RGS6: variants seen among roughly 807,000 people sequenced by gnomAD.
RGS6 encodes the protein regulator of G protein signaling 6, also known as regulator of G-protein signaling 6.
RGS6 carries 30 observed loss-of-function variants against 78.5 expected under a neutral mutation model. That is an observed-to-expected ratio of 0.38 (90% CI 0.29 to 0.52). RGS6 has a LOEUF of 0.52. RGS6 is among the 20% of genes least tolerant of loss of function. The pLI is 0.85. For missense variants in RGS6, 495 were observed against 609.7 expected (o/e 0.81, Z 1.98); for synonymous variants, 206 against 206.0 (o/e 1.00, Z 0.00).
intron 16 of RGS6, 142 bp from the exon 17 acceptor site, chr14:72,539,899 T>A: frequency 1.5e-6 from 1 of 687,064 alleles, no homozygotes; most frequent in Non-Finnish European, 2.4e-6. Context: ...TCTGGCTGCT[T>A]CTCTTTTCCC....
At chr14:72,182,389 G>A (rs1248881860) in intron 2 of RGS6, among the ~76,000 whole-genome samples, 1 of 139,258 alleles carries the variant, frequency 7.2e-6, no homozygotes, top group Non-Finnish European at 1.5e-5. Context: ...GCTGTGAGTC[G>A]AGATCGTGCC....
intron 2 of RGS6, among the ~76,000 whole-genome samples, chr14:72,164,850 T>G (rs936813098): frequency 5.9e-5 from 9 of 152,232 alleles, no homozygotes; most frequent in African/African-American, 1.7e-4. Flanking sequence ...TAACAAATGG[T>G]AAAACATTTA....
chr14:72,445,851 A>G (rs2095351053), intron 3 of RGS6, among the ~76,000 whole-genome samples: 1 of 152,188 alleles, frequency 6.6e-6, no homozygotes, highest in Non-Finnish European at 1.5e-5. Context: ...GAAGTTCTAA[A>G]CACTAGAACT....
the RGS6 span, among the ~76,000 whole-genome samples, chr14:72,574,425 T>G: frequency 2.0e-5 from 3 of 150,060 alleles, no homozygotes; most frequent in African/African-American, 2.5e-5. Flanking sequence ...AAGGCAGGAG[T>G]GTGTCTCCTC....
chr14:72,552,795 C>T (rs1379367795), intron 17 of RGS6: 2 of 152,228 alleles, frequency 1.3e-5, no homozygotes, highest in African/African-American at 4.8e-5. Flanking sequence ...ATAGTACCGA[C>T]AGAAACAGAA....
At chr14:72,403,197 A>T (rs544077999) in intron 3 of RGS6, among the ~76,000 whole-genome samples, 23 of 152,322 alleles carry the variant, frequency 1.5e-4, no homozygotes, top group African/African-American at 4.3e-4. Flanking sequence ...TATTGAATCA[A>T]CCTAAGTGTC....
At chr14:72,152,820 T>A (rs551812054) in intron 2 of RGS6, among the ~76,000 whole-genome samples, 1 of 152,212 alleles carries the variant, frequency 6.6e-6, no homozygotes, top group East Asian at 1.9e-4. Context: ...AACATCTGGG[T>A]CCTTGTCACA....
chr14:72,106,647 C>A (rs1220901109), intron 2 of RGS6, among the ~76,000 whole-genome samples: 2 of 152,210 alleles, frequency 1.3e-5, no homozygotes, highest in African/African-American at 2.4e-5. Context: ...AATTGCATAT[C>A]CCTAGCCGCA....
the RGS6 span, among the ~76,000 whole-genome samples, chr14:71,919,276 C>T: frequency 6.6e-6 from 1 of 152,084 alleles, no homozygotes; most frequent in South Asian, 2.1e-4. Context: ...AGGGCAGGTC[C>T]CCCTACTCTT....
intron 3 of RGS6, among the ~76,000 whole-genome samples, chr14:72,415,888 G>A (rs559484040): frequency 3.9e-5 from 6 of 152,238 alleles, no homozygotes; most frequent in South Asian, 2.1e-4. Flanking sequence ...CACAGCTCAC[G>A]TCTGTAATCC....
At chr14:72,520,042 A>G (rs75044124) in intron 15 of RGS6, among the ~76,000 whole-genome samples, 7,852 of 152,242 alleles carry the variant, frequency 0.052, 423 homozygotes, top group African/African-American at 0.13. Context: ...TCATCAGTAC[A>G]CGTCTGATCT....
At chr14:72,415,567 A>G (rs2093745452) in intron 3 of RGS6, among the ~76,000 whole-genome samples, 1 of 152,182 alleles carries the variant, frequency 6.6e-6, no homozygotes, top group African/African-American at 2.4e-5. Context: ...GTCCAGCACT[A>G]CCCAGTGAGA....
At chr14:72,055,049 G>A (rs2153423205) in intron 2 of RGS6, among the ~76,000 whole-genome samples, 1 of 152,278 alleles carries the variant, frequency 6.6e-6, no homozygotes, top group Non-Finnish European at 1.5e-5. Context: ...CATTCAGGGT[G>A]TTTCCTGTTT....
chr14:72,535,927 T>C lies in RGS6; in HGVS notation c.1279-259T>C, dbSNP rs918669055. Among the ~76,000 whole-genome samples, 4 of 152,150 alleles carry C rather than the reference T, an allele frequency of 2.6e-5. No homozygotes were observed. In the East Asian group the frequency reaches 7.7e-4, roughly 29 times the overall value. On this transcript the variant is annotated intron_variant, in intron 15 of 17. Transcript: ENST00000553525. ...GTTTTAATCATTAAGCACCCCAACA[T>C]GGCACCCAAGCCCAATTACAAATCC...
intron 2 of RGS6, among the ~76,000 whole-genome samples, chr14:72,314,261 A>T (rs1296976036): frequency 6.6e-6 from 1 of 152,178 alleles, no homozygotes; most frequent in Non-Finnish European, 1.5e-5. Context: ...TAGACAGCTC[A>T]CTGACATCCT....
At chr14:72,299,266 T>G (rs1055054227) in intron 2 of RGS6, among the ~76,000 whole-genome samples, 1 of 152,208 alleles carries the variant, frequency 6.6e-6, no homozygotes, top group African/African-American at 2.4e-5. Flanking sequence ...GCCATACCAG[T>G]CCTTCCCACC....
chr14:72,376,403 A>G (rs555845404), intron 3 of RGS6, among the ~76,000 whole-genome samples: 1 of 152,346 alleles, frequency 6.6e-6, no homozygotes, highest in South Asian at 2.1e-4. Context: ...ACATTCTGGA[A>G]GAAGAGAAGG....
intron 13 of RGS6, among the ~76,000 whole-genome samples, chr14:72,506,509 GA>G (rs2096801848): frequency 6.6e-6 from 1 of 152,190 alleles, no homozygotes; most frequent in African/African-American, 2.4e-5. Flanking sequence ...CTTAAACCTT[GA>G]AGTGGATGAT....
intron 17 of RGS6, among the ~76,000 whole-genome samples, chr14:72,549,627 C>T (rs138882650): frequency 0.01 from 1,532 of 152,222 alleles, 27 homozygotes; most frequent in African/African-American, 0.034. Flanking sequence ...TTTGGGAGGC[C>T]GAGACAGGCA....
Sources: allele counts gnomAD v4.1 joint callset (sites outside exome capture counted in the v4.1 genomes callset), GRCh38; gene constraint gnomAD v4.1.1; transcripts MANE v1.5; gene names NCBI Gene and HGNC (gene_info 2026-07-23, HGNC 2026-07-21).